ZNF385B: variants seen among roughly 807,000 people sequenced by gnomAD.
ZNF385B encodes the protein zinc finger protein 385B.
A neutral mutation model predicts 39.2 loss-of-function variants in ZNF385B; 23 were observed. That is an observed-to-expected ratio of 0.59 (90% confidence interval 0.42 to 0.83). ZNF385B has a LOEUF of 0.83. Ranked by LOEUF, ZNF385B falls within the 40% of genes least tolerant of loss-of-function variation. The pLI is 0.00. For missense variants in ZNF385B, 552 were observed against 598.9 expected, an observed-to-expected ratio of 0.92 and a Z score of 0.82; for synonymous variants, 205 against 222.6, an observed-to-expected ratio of 0.92 and a Z score of 0.70.
chr2:179,774,361 CT>C (rs140710524), intron 1 of ZNF385B, among the ~76,000 whole-genome samples: 5 of 149,988 alleles, frequency 3.3e-5, no homozygotes, highest in African/African-American at 1.2e-4. Flanking sequence ...TCAATGTTTT[CT>C]TTTTTTTGTT....
At chr2:179,844,117 G>T (rs991277203) in intron 1 of ZNF385B, among the ~76,000 whole-genome samples, 1 of 152,160 alleles carries the variant, frequency 6.6e-6, no homozygotes, top group Admixed American at 6.6e-5. Context: ...ATCCAAGTTG[G>T]TCTATTAGAT....
At chr2:179,530,411 T>C (rs111880425) in intron 4 of ZNF385B, among the ~76,000 whole-genome samples, 2,211 of 152,314 alleles carry the variant, frequency 0.015, 22 homozygotes, top group Non-Finnish European at 0.023. Flanking sequence ...GCTTGTTTTT[T>C]GGTAAACGAG....
chr2:179,721,863 A>G (rs765054553), intron 3 of ZNF385B, among the ~76,000 whole-genome samples: 1 of 152,086 alleles, frequency 6.6e-6, no homozygotes, highest in African/African-American at 2.4e-5. Flanking sequence ...CAGTGGAATA[A>G]GACAAAAACA....
At chr2:179,474,451 G>T (rs1011583287) in intron 6 of ZNF385B, among the ~76,000 whole-genome samples, 1 of 152,092 alleles carries the variant, frequency 6.6e-6, no homozygotes, top group African/African-American at 2.4e-5. Context: ...CAAAAACCAT[G>T]ATTACTTTTG....
chr2:179,750,120 G>A (rs959028509), intron 3 of ZNF385B, among the ~76,000 whole-genome samples: 6 of 152,106 alleles, frequency 3.9e-5, no homozygotes, highest in African/African-American at 1.2e-4. Context: ...TAATGACTTT[G>A]CCAAGTCTAT....
At chr2:179,662,770 T>C (rs934277637) in intron 3 of ZNF385B, among the ~76,000 whole-genome samples, 1 of 152,210 alleles carries the variant, frequency 6.6e-6, no homozygotes, top group Non-Finnish European at 1.5e-5. Context: ...TCCACTAATA[T>C]TTGCTTTTTA....
At chr2:179,768,982 G>T (rs761067159) in intron 3 of ZNF385B, among the ~76,000 whole-genome samples, 4 of 152,182 alleles carry the variant, frequency 2.6e-5, no homozygotes, top group Non-Finnish European at 4.4e-5. Context: ...TGTTCCTATT[G>T]TTAGAACACC....
At chr2:179,616,370 G>C (rs1689734979) in intron 3 of ZNF385B, among the ~76,000 whole-genome samples, 1 of 152,088 alleles carries the variant, frequency 6.6e-6, no homozygotes, top group Non-Finnish European at 1.5e-5. Context: ...GTCTTGCTCT[G>C]TCACCCAGGC....
At chr2:179,493,678 T>A (rs542811886) in intron 5 of ZNF385B, among the ~76,000 whole-genome samples, 2,585 of 111,232 alleles carry the variant, frequency 0.023, 178 homozygotes, top group African/African-American at 0.077. Context: ...CATATGCATA[T>A]ACATATACAC....
At chr2:179,453,288 T>C (rs1267573173) in intron 6 of ZNF385B, among the ~76,000 whole-genome samples, 1 of 152,108 alleles carries the variant, frequency 6.6e-6, no homozygotes, top group Non-Finnish European at 1.5e-5. Flanking sequence ...AACTGAGAAT[T>C]GAAAGCAACT....
At chr2:179,772,691 G>A (rs1704080725) in intron 1 of ZNF385B, among the ~76,000 whole-genome samples, 1 of 152,192 alleles carries the variant, frequency 6.6e-6, no homozygotes, top group Non-Finnish European at 1.5e-5. Flanking sequence ...AACTAACAGT[G>A]AGTTTAAATG....
At chr2:179,827,510 T>C (rs1707743850) in intron 1 of ZNF385B, among the ~76,000 whole-genome samples, 1 of 152,184 alleles carries the variant, frequency 6.6e-6, no homozygotes, top group Non-Finnish European at 1.5e-5. Flanking sequence ...TTTATATTTA[T>C]GTAAATATAA....
chr2:179,760,100 G>A (rs1467006579), intron 3 of ZNF385B, among the ~76,000 whole-genome samples: 1 of 150,504 alleles, frequency 6.6e-6, no homozygotes, highest in African/African-American at 2.4e-5. Flanking sequence ...CCAGGCTGGA[G>A]TGCAGTGGCG....
chr2:179,455,961 T>G (rs144657449), intron 6 of ZNF385B, among the ~76,000 whole-genome samples: 36 of 152,166 alleles, frequency 2.4e-4, no homozygotes, highest in African/African-American at 8.2e-4. Flanking sequence ...ACTATTTAGC[T>G]TAGGCCTGTA....
chr2:179,573,587 T>C (rs2106005234), intron 3 of ZNF385B, among the ~76,000 whole-genome samples: 1 of 152,234 alleles, frequency 6.6e-6, no homozygotes, highest in East Asian at 1.9e-4. Flanking sequence ...GTTAGGTCTT[T>C]TTAAAAATAA....
chr2:179,780,014 G>A (rs1206741356), intron 1 of ZNF385B, among the ~76,000 whole-genome samples: 1 of 152,060 alleles, frequency 6.6e-6, no homozygotes, highest in Non-Finnish European at 1.5e-5. Flanking sequence ...TGGGGTTGGA[G>A]GAGAGGGTAA....
chr2:179,647,658 C>T (rs1304851072), intron 3 of ZNF385B, among the ~76,000 whole-genome samples: 2 of 152,138 alleles, frequency 1.3e-5, no homozygotes, highest in Non-Finnish European at 2.9e-5. Flanking sequence ...TTCAAGTATA[C>T]AGAATGTTCC....
At chr2:179,446,182 G>T (rs1292413552) in intron 7 of ZNF385B, among the ~76,000 whole-genome samples, 1 of 152,082 alleles carries the variant, frequency 6.6e-6, no homozygotes, top group African/African-American at 2.4e-5. Context: ...CCCTACTGGT[G>T]GGCTTTAGGT....
At chr2:179,576,874 G>C (rs1329655755) in intron 3 of ZNF385B, among the ~76,000 whole-genome samples, 1 of 152,072 alleles carries the variant, frequency 6.6e-6, no homozygotes, top group African/African-American at 2.4e-5. Context: ...AAGTCCAATT[G>C]ATCATCTTGT....
Sources: allele counts gnomAD v4.1 joint callset (sites outside exome capture counted in the v4.1 genomes callset), GRCh38; gene constraint gnomAD v4.1.1; transcripts MANE v1.5; gene names NCBI Gene and HGNC (gene_info 2026-07-23, HGNC 2026-07-21).